Variants in FNDC7 observed in about 807,000 individuals in gnomAD.
FNDC7 encodes fibronectin type III domain containing 7.
A neutral mutation model predicts 74.2 loss-of-function variants in FNDC7; 66 were observed. The ratio of observed to expected loss-of-function variants is 0.89; its 90% CI spans 0.73 to 1.09. The LOEUF (loss-of-function observed/expected upper bound fraction) is 1.09, where lower values mean the gene tolerates loss of function less well. Among genes scored for constraint, FNDC7 ranks in the 50% least tolerant of loss-of-function variants. The probability of loss-of-function intolerance (pLI) is 0.00; values close to 1 mark genes in which losing one functional copy is unlikely to be tolerated. For missense variants in FNDC7, 829 were observed against 893.4 expected (o/e 0.93, Z 0.92); for synonymous variants, 307 against 330.2 (o/e 0.93, Z 0.76).
intron 11 of FNDC7, among the ~76,000 whole-genome samples, chr1:108,739,465 A>G (rs1661587803): frequency 6.6e-6 from 1 of 152,182 alleles, no homozygotes; most frequent in Admixed American, 6.5e-5. Context: ...CTATGATAGC[A>G]CCACTGCGCT....
chr1:108,734,261 G>A (rs1661459436), intron 10 of FNDC7: 1 of 152,158 alleles, frequency 6.6e-6, no homozygotes, highest in Non-Finnish European at 1.5e-5. Flanking sequence ...AAAAGTTAGA[G>A]GATCAGAAAA....
At chr1:108,729,292 G>A (rs1162227871) in intron 8 of FNDC7, among the ~76,000 whole-genome samples, 3 of 152,198 alleles carry the variant, frequency 2.0e-5, no homozygotes, top group African/African-American at 4.8e-5. Context: ...GCTCACGCCT[G>A]TAATCCCAGC....
chr1:108,714,351 AATTC>A (rs1660929537), intron 2 of FNDC7, among the ~76,000 whole-genome samples: 1 of 152,210 alleles, frequency 6.6e-6, no homozygotes, highest in African/African-American at 2.4e-5. Flanking sequence ...AATTTCATAA[AATTC>A]ATGCATATAC....
In FNDC7 at chr1:108,733,310, G is replaced by A. The variant is rs150078948; in HGVS notation, c.1918G>A (p.Gly640Ser). 1.2e-6 allele frequency: 2 copies of A among 1,613,990 alleles called. No homozygotes were observed. The highest frequency in any genetic ancestry group is 1.3e-5 in the African/African-American group (1 of 74,984). ...TTTGGGGGTGAAATTATATAGGCTG[G>A]GCCCTAATGGCATCCGGATCTACTG... ...CPLGVKLYRL[G>S]PNGIRIYWQA... Residue 640 changes from glycine to serine, a missense_variant, in exon 10 of 13, where the codon GGC becomes AGC. Physicochemically the swap from Gly to Ser is moderately conservative, Grantham distance 56. Coordinates refer to ENST00000370017, the MANE Select transcript of FNDC7 (RefSeq NM_001144937.3).
rs941205221 is a variant in FNDC7, at chr1:108,719,038, A to G, written c.587A>G (p.Asn196Ser). 7 of 1,552,082 alleles carry G rather than the reference A, an allele frequency of 4.5e-6. No homozygotes were observed. The African/African-American group carries it at 9.6e-5, about 21-fold the overall frequency. Reference sequence around the variant, plus strand: ...ATCCCTGGGGATGACTCCACCTGCAATCAGAGAACAAGTAAGAACTTCTCA... The same window carrying G: ...ATCCCTGGGGATGACTCCACCTGCAGTCAGAGAACAAGTAAGAACTTCTCA... ...NRIPGDDSTC[N>S]QRTSPRAPAN... Residue 196 changes from asparagine (N) to serine (S), a missense_variant, in exon 4 of 13, where the codon AAT becomes AGT. Asn to Ser is a conservative substitution (Grantham distance 46). Transcript: ENST00000370017.
chr1:108,735,659 G>T (rs886893306), intron 10 of FNDC7, among the ~76,000 whole-genome samples: 1 of 151,998 alleles, frequency 6.6e-6, no homozygotes, highest in African/African-American at 2.4e-5. Context: ...ATTATTAATA[G>T]ATATTTTGTA....
intron 9 of FNDC7, among the ~76,000 whole-genome samples, chr1:108,731,511 G>C (rs1661353314): frequency 6.6e-6 from 1 of 152,186 alleles, no homozygotes; most frequent in Non-Finnish European, 1.5e-5. Context: ...TTGTAACACG[G>C]TTTTGATAAA....
At chr1:108,717,631 C>T in intron 2 of FNDC7, 146 bp from the exon 3 acceptor site, 3 of 816,358 alleles carry the variant, frequency 3.7e-6, no homozygotes, top group South Asian at 1.8e-5. Context: ...CTTTCTTTTT[C>T]TCTGTTTTTC....
At position 108,722,518 on chromosome 1, in the gene FNDC7, A is replaced by T. The variant is rs1319940025; in HGVS notation, c.782A>T (p.Glu261Val). The change falls in exon 5 of 13, where the codon GAA becomes GTA. Residue 261 changes from glutamate to valine, a missense_variant. Coordinates refer to ENST00000370017, the MANE Select transcript of FNDC7 (RefSeq NM_001144937.3). ...CTISSLQCGTEYLISVLASND... is the reference protein window; with the variant it reads ...CTISSLQCGTVYLISVLASND... ...ATCTCTTCCCTCCAGTGTGGAACTG[A>T]ATACTTGATTTCAGTTTTAGCAAGT... 6.2e-7 allele frequency: 1 copy of T among 1,614,218 alleles called. No homozygotes were observed.
At chr1:108,713,663 G>A in intron 2 of FNDC7, 134 bp downstream of exon 2, 11 of 712,882 alleles carry the variant, frequency 1.5e-5, no homozygotes, top group Non-Finnish European at 2.3e-5. Flanking sequence ...ACTCACACTG[G>A]GTGCTAAGCA....
In FNDC7 at chr1:108,712,930, C is replaced by T. The variant is rs376490261; in HGVS notation, c.-4C>T. ...TGTGCCATGTGAGTACTATGTCCAA[C>T]AGGATGGCTGGTGGACGAGAGACAT... On this transcript the variant is annotated 5_prime_UTR_variant, in exon 1 of 13. Coordinates refer to ENST00000370017, the MANE Select transcript of FNDC7 (RefSeq NM_001144937.3). 303 of 1,551,672 alleles carry T rather than the reference C, an allele frequency of 2.0e-4. No individual in the cohort carries two copies. In the Middle Eastern group the frequency reaches 7.0e-3, roughly 36 times the overall value.
At chr1:108,740,193 C>G (rs984510917) in intron 11 of FNDC7, among the ~76,000 whole-genome samples, 2 of 152,036 alleles carry the variant, frequency 1.3e-5, no homozygotes, top group Non-Finnish European at 2.9e-5. Context: ...CAGAGCAAGT[C>G]CAATCAGGTC....
chr1:108,715,299 G>A (rs1312966662), intron 2 of FNDC7, among the ~76,000 whole-genome samples: 3 of 152,196 alleles, frequency 2.0e-5, no homozygotes, highest in Admixed American at 2.0e-4. Flanking sequence ...ACTGACCAGA[G>A]TGGTTGGTTG....
chr1:108,716,126 C>T (rs933807766), intron 2 of FNDC7, among the ~76,000 whole-genome samples: 12 of 152,126 alleles, frequency 7.9e-5, no homozygotes, highest in East Asian at 3.9e-4. Flanking sequence ...ATGCATGATC[C>T]GGCCTCCTGT....
At chr1:108,714,605 A>ATTTT (rs71098692) in intron 2 of FNDC7, among the ~76,000 whole-genome samples, 5,917 of 101,940 alleles carry the variant, frequency 0.058, 553 homozygotes, top group Admixed American at 0.099. Context: ...ACAAAGTGGC[A>ATTTT]TTTTTTTTTT....
rs747139427 is a variant in FNDC7, at chr1:108,728,690, G to A, written c.1428G>A (p.Val476=). The change falls in exon 8 of 13, where the codon GTG becomes GTA. Residue 476 remains valine (V), a synonymous_variant. Transcript: ENST00000370017. The part of the protein sequence containing the change: ...VSRDAFSMIN[V]HWRSTNDDAT... ...GGGATGCATTCTCCATGATTAATGTGCACTGGCGATCCACTAATGATGATG... is the reference window on the plus strand; with the variant it reads ...GGGATGCATTCTCCATGATTAATGTACACTGGCGATCCACTAATGATGATG... 2.5e-6 allele frequency: 4 copies of A among 1,614,210 alleles called. No individual in the cohort carries two copies. The Admixed American group carries it at 6.7e-5, about 27-fold the overall frequency.
intron 5 of FNDC7, among the ~76,000 whole-genome samples, chr1:108,722,899 A>G (rs1661126541): frequency 6.6e-6 from 1 of 152,192 alleles, no homozygotes; most frequent in Non-Finnish European, 1.5e-5. Context: ...TTTGAGTTGT[A>G]CACAGCTCTA....
At chr1:108,741,239 G>A (rs997799179) in intron 11 of FNDC7, among the ~76,000 whole-genome samples, 5 of 152,142 alleles carry the variant, frequency 3.3e-5, no homozygotes, top group South Asian at 2.1e-4. Flanking sequence ...AGGTGATAGC[G>A]GCTCTAACAA....
At chr1:108,721,313 C>T (rs1661087949) in intron 4 of FNDC7, among the ~76,000 whole-genome samples, 1 of 152,052 alleles carries the variant, frequency 6.6e-6, no homozygotes, top group African/African-American at 2.4e-5. Context: ...ACTAAAAATA[C>T]AAAAAATTAG....
Sources: allele counts gnomAD v4.1 joint callset (sites outside exome capture counted in the v4.1 genomes callset), GRCh38; gene constraint gnomAD v4.1.1; transcripts MANE v1.5; gene names NCBI Gene and HGNC (gene_info 2026-07-23, HGNC 2026-07-21).